Variants in KIAA1217 observed in about 807,000 individuals in gnomAD.
KIAA1217 encodes the protein sickle tail protein homolog.
Under a neutral mutation model 163.9 loss-of-function variants are expected in KIAA1217, and 88 were observed. The observed-to-expected ratio is 0.54, with a 90% CI of 0.45 to 0.64. The LOEUF (loss-of-function observed/expected upper bound fraction) is 0.64. Among genes scored for constraint, KIAA1217 ranks in the 30% least tolerant of loss-of-function variants. KIAA1217 has a pLI of 0.00. For missense variants in KIAA1217, 2,372 were observed against 2,475.0 expected, an observed-to-expected ratio of 0.96 and a Z score of 0.88; for synonymous variants, 903 against 923.1, an observed-to-expected ratio of 0.98 and a Z score of 0.39.
intron 2 of KIAA1217, among the ~76,000 whole-genome samples, chr10:24,013,128 T>C (rs1847313609): frequency 6.6e-6 from 1 of 152,170 alleles, no homozygotes; most frequent in Non-Finnish European, 1.5e-5. Flanking sequence ...TGCATTTTTA[T>C]GCCTTTTGCA....
At chr10:23,854,166 C>T (rs1385171010) in intron 1 of KIAA1217, among the ~76,000 whole-genome samples, 1 of 151,940 alleles carries the variant, frequency 6.6e-6, no homozygotes, top group Non-Finnish European at 1.5e-5. Flanking sequence ...TATAAGTTTC[C>T]CTCTACATGC....
In KIAA1217 at chr10:24,063,669, T is replaced by G. The variant is rs568099415; in HGVS notation, c.-171+56295T>G. On this transcript the variant is annotated intron_variant, in intron 2 of 18. Transcript: ENST00000376462. ...AACTTTAAAGTAGTTTTTTTCCAAT[T>G]CTGTGAAGAAAGTCATTGGTAGCTT... 1.9e-3 allele frequency among the ~76,000 whole-genome samples: 288 copies of G among 152,316 alleles called. 1 individual carries two copies. Among genetic ancestry groups the G allele is most frequent in the South Asian group, 0.019 (91 of 4,826 alleles).
At chr10:24,205,815 A>C (rs1274752398), upstream of KIAA1217, among the ~76,000 whole-genome samples, 1 of 152,038 alleles carries the variant, frequency 6.6e-6, no homozygotes. Flanking sequence ...AATTTACATG[A>C]AGGAAGTTGA....
At chr10:23,962,748 A>C (rs1378377330) in intron 1 of KIAA1217, among the ~76,000 whole-genome samples, 1 of 152,210 alleles carries the variant, frequency 6.6e-6, no homozygotes, top group East Asian at 1.9e-4. Flanking sequence ...ATTCTAGTCC[A>C]GATTCTACTA....
chr10:23,970,379 C>T (rs1474211349), intron 1 of KIAA1217, among the ~76,000 whole-genome samples: 2 of 152,144 alleles, frequency 1.3e-5, no homozygotes, highest in African/African-American at 4.8e-5. Flanking sequence ...GGAAGTAAGT[C>T]AGGCACAGAA....
intron 1 of KIAA1217, among the ~76,000 whole-genome samples, chr10:23,763,136 C>G (rs571932133): frequency 1.3e-5 from 2 of 152,060 alleles, no homozygotes; most frequent in African/African-American, 4.8e-5. Flanking sequence ...TGGAAAAACA[C>G]TCCATCCTCA....
At chr10:23,902,338 C>T (rs907317101) in intron 1 of KIAA1217, among the ~76,000 whole-genome samples, 4 of 151,920 alleles carry the variant, frequency 2.6e-5, no homozygotes, top group African/African-American at 7.3e-5. Context: ...GTGGGCACAT[C>T]GAGGGGAACA....
intron 1 of KIAA1217, among the ~76,000 whole-genome samples, chr10:23,964,165 G>A (rs1844950366): frequency 6.6e-6 from 1 of 151,926 alleles, no homozygotes; most frequent in South Asian, 2.1e-4. Flanking sequence ...GCCTCCCAAA[G>A]TGCTAGGATT....
intron 1 of KIAA1217, among the ~76,000 whole-genome samples, chr10:23,901,060 T>C (rs1841933824): frequency 6.6e-6 from 1 of 152,144 alleles, no homozygotes; most frequent in Admixed American, 6.5e-5. Flanking sequence ...CTAATGTTTT[T>C]ATTTAACCAC....
intron 1 of KIAA1217, among the ~76,000 whole-genome samples, chr10:23,830,087 C>T (rs1838104396): frequency 6.6e-6 from 1 of 152,148 alleles, no homozygotes; most frequent in Non-Finnish European, 1.5e-5. Context: ...GAAAGCTAAT[C>T]AGAGGCAGTA....
chr10:23,844,649 G>C (rs749245620), intron 1 of KIAA1217, among the ~76,000 whole-genome samples: 1 of 151,402 alleles, frequency 6.6e-6, no homozygotes, highest in Non-Finnish European at 1.5e-5. Context: ...TCCTCTGCAA[G>C]ATATGCACAT....
At chr10:24,034,434 A>G (rs1233830913) in intron 2 of KIAA1217, among the ~76,000 whole-genome samples, 2 of 151,898 alleles carry the variant, frequency 1.3e-5, no homozygotes. Context: ...ATGGTGGCAC[A>G]TGCCTGTGGT....
chr10:24,140,211 T>A (rs1249824008), intron 2 of KIAA1217, among the ~76,000 whole-genome samples: 2 of 151,812 alleles, frequency 1.3e-5, no homozygotes, highest in Non-Finnish European at 2.9e-5. Flanking sequence ...TACAAAAAAA[T>A]TAGCTGGGCA....
intron 1 of KIAA1217, among the ~76,000 whole-genome samples, chr10:24,214,070 T>C (rs1196052773): frequency 2.0e-5 from 3 of 152,034 alleles, no homozygotes; most frequent in African/African-American, 7.2e-5. Flanking sequence ...GGCAGGAGGA[T>C]CACTTGAGCC....
chr10:24,293,602 AT>A (rs2079339057), intron 2 of KIAA1217, among the ~76,000 whole-genome samples: 1 of 152,192 alleles, frequency 6.6e-6, no homozygotes, highest in African/African-American at 2.4e-5. Context: ...AAAAGGTTTC[AT>A]TGTTGATATC....
chr10:24,418,758 C>T (rs774654266), intron 3 of KIAA1217, among the ~76,000 whole-genome samples: 1 of 152,110 alleles, frequency 6.6e-6, no homozygotes, highest in East Asian at 1.9e-4. Flanking sequence ...AAAGAAATTA[C>T]ACCCAGAGTC....
intron 5 of KIAA1217, among the ~76,000 whole-genome samples, chr10:24,443,733 A>G (rs531474933): frequency 3.0e-4 from 45 of 152,204 alleles, no homozygotes; most frequent in Non-Finnish European, 4.7e-4. Context: ...AGGAGATATT[A>G]AGGGATAGCT....
chr10:23,791,195 G>A (rs1016238208), intron 1 of KIAA1217, among the ~76,000 whole-genome samples: 2 of 152,062 alleles, frequency 1.3e-5, no homozygotes, highest in African/African-American at 2.4e-5. Flanking sequence ...ATGATTTCTG[G>A]TCATAATAAT....
At chr10:23,732,361 C>G (rs35863604) in intron 1 of KIAA1217, among the ~76,000 whole-genome samples, 27,828 of 151,758 alleles carry the variant, frequency 0.18, 2,682 homozygotes, top group Middle Eastern at 0.26. Context: ...AAACCCAAAA[C>G]AACAAAAACA....
Sources: allele counts gnomAD v4.1 joint callset (sites outside exome capture counted in the v4.1 genomes callset), GRCh38; gene constraint gnomAD v4.1.1; transcripts MANE v1.5; gene names NCBI Gene and HGNC (gene_info 2026-07-23, HGNC 2026-07-21).